The following RAD21 variants were observed in gnomAD, a reference collection of about 807,000 sequenced individuals.
RAD21 encodes the protein double-strand-break repair protein rad21 homolog.
A neutral mutation model predicts 71.5 loss-of-function variants in RAD21; 18 were observed. The ratio of observed to expected loss-of-function variants is 0.25; its 90% CI spans 0.17 to 0.37. The LOEUF is 0.37. Ranked by LOEUF, RAD21 falls within the 10% of genes least tolerant of loss-of-function variation. RAD21 has a pLI of 1.00. For missense variants in RAD21, 493 were observed against 769.1 expected, an observed-to-expected ratio of 0.64 and a Z score of 4.25; for synonymous variants, 248 against 254.0, an observed-to-expected ratio of 0.98 and a Z score of 0.22.
Position 116,869,864 on chromosome 8 carries a change from A to AT in RAD21, c.-32-3104dup, listed in dbSNP as rs1812774796. Among the ~76,000 whole-genome samples the AT allele has an allele frequency of 2.0e-5, 3 of 152,268 alleles. No individual in the cohort carries two copies. The South Asian group carries it at 6.2e-4, about 32-fold the overall frequency. On this transcript the variant is annotated intron_variant, in intron 1 of 13. Transcript: ENST00000297338. The stretch of plus-strand genomic sequence containing the variant: ...AAAAGATACAGAGTAATTATTTTTC[A>AT]TTTTTTCACAGTCTGTAAATCTTAA...
At chr8:116,855,350 T>C (rs1812439645) in intron 8 of RAD21, among the ~76,000 whole-genome samples, 1 of 152,150 alleles carries the variant, frequency 6.6e-6, no homozygotes, top group African/African-American at 2.4e-5. Context: ...CATCTAGAAA[T>C]TGTTAGGTTT....
chr8:116,857,564 C>A, intron 5 of RAD21, 91 bp from the exon 6 acceptor site: 2 of 1,061,372 alleles, frequency 1.9e-6, no homozygotes, highest in Non-Finnish European at 2.7e-6. Flanking sequence ...CTAATTATGT[C>A]ACATTTGCTT....
Position 116,863,132 on chromosome 8 carries a change from G to C in RAD21, c.272C>G (p.Pro91Arg), listed in dbSNP as rs1028059920. ...AFIKIKMAFRPGVVDLPEENR... is the reference protein window; with the variant it reads ...AFIKIKMAFRRGVVDLPEENR... Reference sequence around the variant, plus strand: ...AAACCAAACAAGTTTAACAATACCTGGCCGAAAAGCCATCTTTATCTTAAT... The same window carrying C: ...AAACCAAACAAGTTTAACAATACCTCGCCGAAAAGCCATCTTTATCTTAAT... The change falls in exon 3 of 14, where the codon CCA becomes CGA. Residue 91 changes from proline to arginine, a missense_variant and splice_region_variant. Pro to Arg is a moderately radical substitution (Grantham distance 103, BLOSUM62 -2). Transcript: ENST00000297338. The C allele has an allele frequency of 6.2e-7, 1 of 1,601,524 alleles. No homozygotes were observed. Among genetic ancestry groups the C allele is most frequent in the Non-Finnish European group, 8.5e-7 (1 of 1,172,112 alleles).
In RAD21 at chr8:116,858,203, C is replaced by T. The variant is rs995156924; in HGVS notation, c.481+149G>A. On this transcript the variant is annotated intron_variant, in intron 5 of 13. Coordinates refer to ENST00000297338, the MANE Select transcript of RAD21 (RefSeq NM_006265.3). ...AAGTATGAAAATAATGCTTAATCTA[C>T]TGGTAGAAAGCCAAATTCTTTTCTT... is the stretch of plus-strand genomic sequence containing the variant. 2.3e-5 allele frequency: 14 copies of T among 609,142 alleles called. No homozygotes were observed. The African/African-American group carries it at 2.6e-4, about 11-fold the overall frequency. The allele number at this position is 609,142 out of a possible 1,614,324, so 37.7% of individuals were successfully genotyped here.
intron 12 of RAD21, among the ~76,000 whole-genome samples, chr8:116,850,388 T>C (rs899494937): frequency 6.6e-6 from 1 of 152,118 alleles, no homozygotes; most frequent in Non-Finnish European, 1.5e-5. Context: ...TAAGGACAAT[T>C]CCATGTCCTT....
chr8:116,856,503 A>C, intron 7 of RAD21, 143 bp downstream of exon 7: 4 of 1,237,926 alleles, frequency 3.2e-6, no homozygotes, highest in Non-Finnish European at 4.3e-6. Flanking sequence ...ACATAGAATC[A>C]GAACCAGTAA....
chr8:116,852,358 T>C, intron 10 of RAD21, 191 bp downstream of exon 10: 1 of 703,548 alleles, frequency 1.4e-6, no homozygotes, highest in Admixed American at 3.2e-5. Flanking sequence ...CTGCCAGTTC[T>C]GAACCTTAAA....
rs1812367485 is a variant in RAD21, at chr8:116,852,340, T to C, written c.1321+209A>G. 30 of 649,876 alleles carry C rather than the reference T, an allele frequency of 4.6e-5. 2 individuals are homozygous for C. The South Asian group carries it at 7.7e-4, about 17-fold the overall frequency. 40.3% of individuals were successfully genotyped at this position (649,876 alleles called of 1,614,324 possible). On this transcript the variant is annotated intron_variant, in intron 10 of 13. Transcript: ENST00000297338. The stretch of plus-strand genomic sequence containing the variant: ...AATGTAGGACAATTCTTTAGCAGAC[T>C]ATCTACCCTGCCAGTTCTGAACCTT...
rs1415135262 is a variant in RAD21, at chr8:116,856,723, G to A, written c.737C>T (p.Pro246Leu). 3.2e-6 allele frequency: 5 copies of A among 1,575,390 alleles called. No individual in the cohort carries two copies. In the Admixed American group the frequency reaches 7.2e-5, roughly 23 times the overall value. The change falls in exon 7 of 14, where the codon CCT (proline) becomes CTT (leucine). Residue 246 changes from proline (P) to leucine (L), a missense_variant. This residue lies in a region of RAD21 where 165 missense variants were observed against 229.6 expected (regional missense o/e 0.72). Transcript: ENST00000297338. ...NNDGGIFDDP[P>L]ALSEAGVMLP... Reference sequence around the variant, plus strand: ...CATCACCCCTGCCTCAGAGAGGGCAGGGGGATCATCAAAGATACCGCCATC... The same window carrying A: ...CATCACCCCTGCCTCAGAGAGGGCAAGGGGATCATCAAAGATACCGCCATC...
intron 1 of RAD21, among the ~76,000 whole-genome samples, chr8:116,867,314 G>C (rs1031629270): frequency 6.6e-6 from 1 of 152,028 alleles, no homozygotes; most frequent in Non-Finnish European, 1.5e-5. Context: ...TAGAAAAATC[G>C]AAGTTCAAAA....
At chr8:116,850,498 T>C (rs1812326528) in intron 12 of RAD21, 120 bp downstream of exon 12, 2 of 1,454,766 alleles carry the variant, frequency 1.4e-6, no homozygotes, top group Non-Finnish European at 1.8e-6. Flanking sequence ...ATTTTGCTTA[T>C]ATTCTAACAT....
intron 8 of RAD21, among the ~76,000 whole-genome samples, chr8:116,855,086 C>G (rs1812434098): frequency 6.6e-6 from 1 of 151,972 alleles, no homozygotes; most frequent in Non-Finnish European, 1.5e-5. Context: ...ATAAAATCCT[C>G]AAGATTTCAC....
chr8:116,870,296 G>T (rs1812787221), intron 1 of RAD21, among the ~76,000 whole-genome samples: 1 of 152,142 alleles, frequency 6.6e-6, no homozygotes, highest in Non-Finnish European at 1.5e-5. Context: ...GGAGGCCAAG[G>T]TAAGAGGAAT....
In RAD21 at chr8:116,847,271, T is replaced by C; in HGVS notation, c.*229A>G. Reference sequence around the variant, plus strand: ...ACTGTTAAAATCATCTTCTGAGTCCTTGGGGTGCTGTTTTCTCCATCAGAA... The same window carrying C: ...ACTGTTAAAATCATCTTCTGAGTCCCTGGGGTGCTGTTTTCTCCATCAGAA... On this transcript the variant is annotated 3_prime_UTR_variant, in exon 14 of 14. Transcript: ENST00000297338. The C allele has an allele frequency of 2.2e-6, 1 of 453,622 alleles. No homozygotes were observed. Among genetic ancestry groups the C allele is most frequent in the Non-Finnish European group, 3.9e-6 (1 of 255,678 alleles). 28.1% of individuals were successfully genotyped at this position (453,622 alleles called of 1,614,324 possible).
intron 2 of RAD21, 54 bp from the exon 3 acceptor site, chr8:116,863,313 G>C: frequency 1.3e-6 from 2 of 1,548,704 alleles, no homozygotes; most frequent in Non-Finnish European, 1.8e-6. Context: ...GCCATTCATA[G>C]TCTTCTTTTT....
rs1363516233 is a variant in RAD21 at position 116,852,185 on chromosome 8, G to T, written c.1322-89C>A. On this transcript the variant is annotated intron_variant, in intron 10 of 13. Coordinates refer to ENST00000297338, the MANE Select transcript of RAD21 (RefSeq NM_006265.3). ...TTTATTTTTTAAACTAGTACACTAA[G>T]ACATACATAATGCTTTCTTTAATGA... is the stretch of plus-strand genomic sequence containing the variant. 4 of 1,176,296 alleles carry T rather than the reference G, an allele frequency of 3.4e-6. No individual in the cohort carries two copies. The African/African-American group carries it at 4.6e-5, about 14-fold the overall frequency. 72.9% of individuals were successfully genotyped at this position (1,176,296 alleles called of 1,614,324 possible).
chr8:116,873,033 T>G (rs569902039), intron 1 of RAD21, among the ~76,000 whole-genome samples: 1 of 152,346 alleles, frequency 6.6e-6, no homozygotes, highest in African/African-American at 2.4e-5. Context: ...ACACCTAACA[T>G]AGTGCCACTG....
intron 10 of RAD21, 74 bp from the exon 11 acceptor site, chr8:116,852,170 A>T: frequency 7.7e-7 from 1 of 1,298,326 alleles, no homozygotes; most frequent in Admixed American, 2.5e-5. Context: ...TTTATTTTTT[A>T]AACTAGTACA....
rs1331719361 is a variant in RAD21, at chr8:116,856,295, A to T, written c.815-7T>A. Reference sequence around the variant, plus strand: ...GGACTATCAGGCCCACCCACTGTAAAAAAAAAAAAAAAAAAAAAAAGTCAC... The same window carrying T: ...GGACTATCAGGCCCACCCACTGTAATAAAAAAAAAAAAAAAAAAAAGTCAC... On this transcript the variant is annotated splice_polypyrimidine_tract_variant and splice_region_variant and intron_variant, in intron 7 of 13. Coordinates refer to ENST00000297338, the MANE Select transcript of RAD21 (RefSeq NM_006265.3). 1.3e-5 allele frequency: 7 copies of T among 558,732 alleles called. No homozygotes were observed. The highest frequency in any genetic ancestry group is 8.1e-5 in the Admixed American group (2 of 24,596). The allele number at this position is 558,732 out of a possible 1,614,324, so 34.6% of individuals were successfully genotyped here.
Sources: gnomAD v4.1 joint callset for allele counts (sites outside exome capture counted in the v4.1 genomes callset) on GRCh38, gnomAD v4.1.1 for gene constraint, gnomAD v4.1.1 regional missense constraint, MANE v1.5 for transcripts, NCBI Gene and HGNC (gene_info 2026-07-23, HGNC 2026-07-21) for gene names.